Variants in ABCC12 observed in about 807,000 individuals in gnomAD.
ABCC12 encodes the protein ATP-binding cassette sub-family C member 12.
In ABCC12, 142 loss-of-function variants were observed where a neutral mutation model predicts 151.1. That is an observed-to-expected ratio of 0.94 (90% CI 0.82 to 1.08). The LOEUF (loss-of-function observed/expected upper bound fraction) is 1.08, where lower values mean the gene tolerates loss of function less well. ABCC12 is among the 50% of genes least tolerant of loss of function. ABCC12 has a pLI of 0.00. For missense variants in ABCC12, 1,638 were observed against 1,691.1 expected, an observed-to-expected ratio of 0.97 and a Z score of 0.55; for synonymous variants, 645 against 646.4, an observed-to-expected ratio of 1.00 and a Z score of 0.03.
chr16:48,119,317 T>C (rs1343863089), intron 13 of ABCC12, among the ~76,000 whole-genome samples: 1 of 152,266 alleles, frequency 6.6e-6, no homozygotes, highest in Non-Finnish European at 1.5e-5. Context: ...GCATTTCTTA[T>C]AGCCCATTCC....
intron 8 of ABCC12, among the ~76,000 whole-genome samples, chr16:48,134,834 C>T (rs1432331158): frequency 3.9e-5 from 6 of 152,038 alleles, no homozygotes; most frequent in Admixed American, 2.6e-4. Context: ...AGGTGGATCA[C>T]GAGGTCAGGA....
intron 11 of ABCC12, among the ~76,000 whole-genome samples, chr16:48,125,026 G>A (rs1439781447): frequency 6.6e-6 from 1 of 152,150 alleles, no homozygotes; most frequent in Admixed American, 6.5e-5. Context: ...CTAGAGGCTT[G>A]GGGGTACAAG....
At chr16:48,142,182 CT>C (rs200865889) in intron 4 of ABCC12, among the ~76,000 whole-genome samples, 4,906 of 152,204 alleles carry the variant, frequency 0.032, 250 homozygotes, top group African/African-American at 0.11. Flanking sequence ...AGGAATAGTG[CT>C]AAGTCTGGGG....
chr16:48,145,869 G>T (rs1964982870), intron 3 of ABCC12, among the ~76,000 whole-genome samples: 1 of 152,232 alleles, frequency 6.6e-6, no homozygotes, highest in Non-Finnish European at 1.5e-5. Context: ...CCATCAAACT[G>T]TAAGCTAAAT....
chr16:48,103,935 C>G (rs781701852), intron 22 of ABCC12, among the ~76,000 whole-genome samples: 1 of 152,164 alleles, frequency 6.6e-6, no homozygotes, highest in Non-Finnish European at 1.5e-5. Context: ...GGACCAGTGC[C>G]GTAATCTTTC....
intron 20 of ABCC12, among the ~76,000 whole-genome samples, chr16:48,106,158 T>C (rs990368467): frequency 1.3e-5 from 2 of 152,172 alleles, no homozygotes; most frequent in Non-Finnish European, 2.9e-5. Context: ...ATAGCGGAAA[T>C]GTAAATCAGA....
chr16:48,112,185 A>G (rs1198079884), intron 15 of ABCC12, among the ~76,000 whole-genome samples: 3 of 152,058 alleles, frequency 2.0e-5, no homozygotes, highest in Non-Finnish European at 4.4e-5. Flanking sequence ...GCACAGAACC[A>G]TTCATCTAGT....
intron 23 of ABCC12, among the ~76,000 whole-genome samples, chr16:48,098,023 G>A (rs1963164038): frequency 6.6e-6 from 1 of 151,384 alleles, no homozygotes; most frequent in African/African-American, 2.4e-5. Flanking sequence ...AGCCAGGCCT[G>A]GAGAAAAGGA....
intron 24 of ABCC12, among the ~76,000 whole-genome samples, chr16:48,092,827 A>T (rs1309408930): frequency 6.6e-6 from 1 of 152,156 alleles, no homozygotes; most frequent in African/African-American, 2.4e-5. Flanking sequence ...GAGCTGAGGC[A>T]TTTATGATAA....
chr16:48,105,923 G>C (rs1963478047), intron 20 of ABCC12, among the ~76,000 whole-genome samples: 2 of 152,166 alleles, frequency 1.3e-5, no homozygotes, highest in South Asian at 4.1e-4. Context: ...GGGGAGGAGG[G>C]TGCCCAGTGA....
At chr16:48,107,182 T>C (rs1383699304) in intron 20 of ABCC12, 140 bp downstream of exon 20, 3 of 812,826 alleles carry the variant, frequency 3.7e-6, no homozygotes, top group Non-Finnish European at 6.3e-6. Flanking sequence ...GGTGTAAGCA[T>C]CTGACTCCCA....
intron 8 of ABCC12, among the ~76,000 whole-genome samples, chr16:48,137,496 G>A (rs552183800): frequency 9.7e-4 from 148 of 152,256 alleles, no homozygotes; most frequent in Admixed American, 1.6e-3. Flanking sequence ...GTGCTGCTGG[G>A]GTCCCAACCT....
chr16:48,124,148 CG>C (rs1567453237), intron 12 of ABCC12, 64 bp downstream of exon 12: 1 of 1,546,044 alleles, frequency 6.5e-7, no homozygotes, highest in African/African-American at 1.4e-5. Context: ...CACGCCTGAC[CG>C]GAAGGGAGCC....
chr16:48,133,167 G>A (rs905680984), intron 9 of ABCC12, among the ~76,000 whole-genome samples: 3 of 152,066 alleles, frequency 2.0e-5, no homozygotes, highest in South Asian at 2.1e-4. Flanking sequence ...AGCCATGGAC[G>A]TGATTAAGAA....
In ABCC12 at chr16:48,094,271, T is replaced by C. The variant is rs372322216; in HGVS notation, c.3195+2475A>G. 1.4e-4 allele frequency among the ~76,000 whole-genome samples: 22 copies of C among 152,336 alleles called. No individual in the cohort carries two copies. The East Asian group carries it at 2.1e-3, about 15-fold the overall frequency. On this transcript the variant is annotated intron_variant, in intron 24 of 30. Transcript: ENST00000311303. ...CCCACTTAAGAGAGAGTACAGAGAA[T>C]ACATTTTTGTTTCCTTTCTTCCCAA...
rs940475997 is a variant in ABCC12 at position 48,083,336 on chromosome 16, C to T, written c.*379G>A. ...AATGGGCAAGGAAACCTTGCAAACTCCATCCTAAGGCATTTTCCCATGTTG... is the reference window on the plus strand; with the variant it reads ...AATGGGCAAGGAAACCTTGCAAACTTCATCCTAAGGCATTTTCCCATGTTG... On this transcript the variant is annotated 3_prime_UTR_variant, in exon 31 of 31. Coordinates refer to ENST00000311303, the MANE Select transcript of ABCC12 (RefSeq NM_001393797.1). The T allele has an allele frequency of 5.1e-6, 1 of 196,256 alleles. No homozygotes were observed. Among genetic ancestry groups the T allele is most frequent in the Non-Finnish European group, 1.0e-5 (1 of 99,034 alleles). The allele number at this position is 196,256 out of a possible 1,614,324, so 12.2% of individuals were successfully genotyped here.
intron 20 of ABCC12, 78 bp downstream of exon 20, chr16:48,107,244 G>A (rs2150610083): frequency 7.5e-7 from 1 of 1,338,782 alleles, no homozygotes. Context: ...TGGTGGCAGG[G>A]GCAGTCAGAT....
chr16:48,133,557 G>A (rs978196698), intron 9 of ABCC12, 130 bp downstream of exon 9: 57 of 964,984 alleles, frequency 5.9e-5, no homozygotes, highest in Admixed American at 4.1e-4. Flanking sequence ...TGGAGTTGAA[G>A]TCACATCCTG....
In ABCC12 at chr16:48,139,220, A is replaced by G; in HGVS notation, c.774T>C (p.Ile258=). ...TCCCGATGAGAGCTGTGGGCCCCAG[A>G]ATGAAAAAGGCGTACGCCGCACAAA... The part of the protein sequence containing the change: ...MVFCAAYAFF[I]LGPTALIGIS... The change falls in exon 7 of 31, where the codon ATT becomes ATC. Residue 258 remains isoleucine (I), a synonymous_variant. Coordinates refer to ENST00000311303, the MANE Select transcript of ABCC12 (RefSeq NM_001393797.1). 6.2e-7 allele frequency: 1 copy of G among 1,614,076 alleles called. No homozygotes were observed. Among genetic ancestry groups the G allele is most frequent in the Non-Finnish European group, 8.5e-7 (1 of 1,179,992 alleles).
Sources: gnomAD v4.1 joint callset for allele counts (sites outside exome capture counted in the v4.1 genomes callset) on GRCh38, gnomAD v4.1.1 for gene constraint, MANE v1.5 for transcripts, NCBI Gene and HGNC (gene_info 2026-07-23, HGNC 2026-07-21) for gene names.